Variants in PCDHGB4 observed in about 807,000 individuals in gnomAD.
PCDHGB4 encodes protocadherin gamma subfamily B, 4.
Under a neutral mutation model 60.5 loss-of-function variants are expected in PCDHGB4, and 38 were observed. The ratio of observed to expected loss-of-function variants is 0.63; its 90% CI spans 0.48 to 0.82. The LOEUF (loss-of-function observed/expected upper bound fraction) is 0.82, where lower values mean the gene tolerates loss of function less well. PCDHGB4 is among the 40% of genes least tolerant of loss of function. The probability of loss-of-function intolerance (pLI) is 0.00; values close to 1 mark genes in which losing one functional copy is unlikely to be tolerated. For synonymous variants in PCDHGB4, 456 were observed against 509.7 expected (o/e 0.89, Z 1.42); for missense variants, 1,109 against 1,209.6 (o/e 0.92, Z 1.23).
At chr5:141,433,605 G>C (rs1411907056) in intron 1 of PCDHGB4, among the ~76,000 whole-genome samples, 1 of 152,114 alleles carries the variant, frequency 6.6e-6, no homozygotes. Context: ...GGAGGCCGAG[G>C]CGGGTGGATC....
At chr5:141,401,115 G>A (rs923480761) in intron 1 of PCDHGB4, among the ~76,000 whole-genome samples, 8 of 152,092 alleles carry the variant, frequency 5.3e-5, no homozygotes, top group Admixed American at 3.9e-4. Context: ...AGGCCGAGGC[G>A]GTTGGATCAC....
intron 3 of PCDHGB4, among the ~76,000 whole-genome samples, chr5:141,510,424 C>T (rs2154594619): frequency 6.6e-6 from 1 of 152,236 alleles, no homozygotes; most frequent in South Asian, 2.1e-4. Flanking sequence ...GCCATGGTTT[C>T]ATGGCTGCTG....
At chr5:141,392,901 C>G in intron 1 of PCDHGB4, 1 of 1,613,832 alleles carries the variant, frequency 6.2e-7, no homozygotes, top group Non-Finnish European at 8.5e-7. Context: ...CGGGAGGGGA[C>G]AGATTCGCTA....
In PCDHGB4 at chr5:141,389,988, C is replaced by T. The variant is rs1348283803; in HGVS notation, c.2104C>T (p.Leu702Phe). Reference sequence around the variant, plus strand: ...CTTGGCCTTGATCTCAGTGCTCTTCCTCGTGGCCATGATTCTGGCCATTGC... The same window carrying T: ...CTTGGCCTTGATCTCAGTGCTCTTCTTCGTGGCCATGATTCTGGCCATTGC... ...VALALISVLF[L>F]VAMILAIALR... Residue 702 changes from leucine (L) to phenylalanine (F), a missense_variant, in exon 1 of 4, where the codon CTC becomes TTC. Leu to Phe is a conservative substitution (Grantham distance 22). Coordinates refer to ENST00000519479, the MANE Select transcript of PCDHGB4 (RefSeq NM_003736.4). 7 of 1,613,918 alleles carry T rather than the reference C, an allele frequency of 4.3e-6. No individual in the cohort carries two copies. The highest frequency in any genetic ancestry group is 5.9e-6 in the Non-Finnish European group (7 of 1,179,898).
At position 141,399,586 on chromosome 5, in the gene PCDHGB4, A is replaced by G. The variant is rs751097540; in HGVS notation, c.2397+9305A>G. The G allele has an allele frequency of 6.2e-6, 10 of 1,613,830 alleles. No individual in the cohort carries two copies. The East Asian group carries it at 1.3e-4, about 22-fold the overall frequency. Reference sequence around the variant, plus strand: ...GTTGAACGGCCAAGTCTCCTACTCTATCATGGCCAGCGACCTAGAGCCTCT... The same window carrying G: ...GTTGAACGGCCAAGTCTCCTACTCTGTCATGGCCAGCGACCTAGAGCCTCT... On this transcript the variant is annotated intron_variant, in intron 1 of 3. Coordinates refer to ENST00000519479, the MANE Select transcript of PCDHGB4 (RefSeq NM_003736.4).
At chr5:141,480,715 G>A (rs906358826) in intron 1 of PCDHGB4, among the ~76,000 whole-genome samples, 1 of 152,124 alleles carries the variant, frequency 6.6e-6, no homozygotes, top group African/African-American at 2.4e-5. Flanking sequence ...ACAAATGAAA[G>A]CACAGTCTCT....
At position 141,388,407 on chromosome 5, in the gene PCDHGB4, A is replaced by G. The variant is rs2091351140; in HGVS notation, c.523A>G (p.Ser175Gly). Reference protein sequence around the residue: ...NTLQNYQLSPSDHFSLINKEK... With the variant: ...NTLQNYQLSPGDHFSLINKEK... ...ACTGCAGAATTACCAACTCAGTCCC[A>G]GTGATCATTTCTCACTGATAAATAA... Residue 175 changes from serine (S) to glycine (G), a missense_variant, in exon 1 of 4, where the codon AGT becomes GGT. This residue lies in a region of PCDHGB4 where 1,068 missense variants were observed against 1,089.9 expected (regional missense o/e 0.98). Transcript: ENST00000519479. 6 of 1,613,878 alleles carry G rather than the reference A, an allele frequency of 3.7e-6. No homozygotes were observed. The highest frequency in any genetic ancestry group is 3.3e-4 in the Middle Eastern group (2 of 6,084).
chr5:141,400,190 T>G (rs914854634), intron 1 of PCDHGB4: 1 of 1,613,898 alleles, frequency 6.2e-7, no homozygotes, highest in Non-Finnish European at 8.5e-7. Context: ...CAGTTTTACC[T>G]AGTGGTGGCC....
chr5:141,421,389 G>T (rs200646513), intron 1 of PCDHGB4: 1 of 1,613,934 alleles, frequency 6.2e-7, no homozygotes, highest in African/African-American at 1.3e-5. Context: ...AGGACCTGGG[G>T]CTGGAGCCCC....
intron 1 of PCDHGB4, chr5:141,410,094 C>A: frequency 6.2e-7 from 1 of 1,612,646 alleles, no homozygotes; most frequent in South Asian, 1.1e-5. Context: ...ACGGCTCGAG[C>A]CTTAGGCGAC....
chr5:141,477,779 A>C lies in PCDHGB4; in HGVS notation c.2398-17028A>C. ...CCTAGCCACCAACATCAGCGTGAAC[A>C]TATTTGTCACTGATCGCAATGACAA... is the stretch of plus-strand genomic sequence containing the variant. On this transcript the variant is annotated intron_variant, in intron 1 of 3. Transcript: ENST00000519479. The surrounding 1 kb of genome is among the most constrained non-coding windows in gnomAD (Gnocchi z 4.9). 1.2e-6 allele frequency: 2 copies of C among 1,614,012 alleles called. No individual in the cohort carries two copies. Among genetic ancestry groups the C allele is most frequent in the Non-Finnish European group, 1.7e-6 (2 of 1,180,020 alleles).
At chr5:141,499,689 CT>C (rs545067566) in intron 2 of PCDHGB4, among the ~76,000 whole-genome samples, 4,434 of 119,828 alleles carry the variant, frequency 0.037, 46 homozygotes, top group African/African-American at 0.083. Context: ...TAACAGATGA[CT>C]TTTTTTTTTT....
intron 1 of PCDHGB4, chr5:141,394,551 C>T: frequency 6.2e-7 from 1 of 1,614,138 alleles, no homozygotes; most frequent in Non-Finnish European, 8.5e-7. Context: ...GCTGGCGCCC[C>T]GCTCCGCAGA....
chr5:141,506,459 A>G (rs1159808052), intron 3 of PCDHGB4, among the ~76,000 whole-genome samples: 4 of 151,918 alleles, frequency 2.6e-5, no homozygotes, highest in Non-Finnish European at 4.4e-5. Context: ...AAAAAAAAAA[A>G]AAAAAAGAGC....
chr5:141,400,690 A>G (rs928893484), intron 1 of PCDHGB4: 6 of 790,238 alleles, frequency 7.6e-6, no homozygotes, highest in Non-Finnish European at 8.1e-6. Flanking sequence ...GTGAGTTTTT[A>G]TGTCGCATAA....
rs774342496 is a variant in PCDHGB4, at chr5:141,389,158, G to A, written c.1274G>A (p.Arg425Gln). The A allele has an allele frequency of 5.0e-6, 8 of 1,613,850 alleles. No homozygotes were observed. Among genetic ancestry groups the A allele is most frequent in the African/African-American group, 2.7e-5 (2 of 74,898 alleles). The change falls in exon 1 of 4, where the codon CGG (arginine) becomes CAG (glutamine). Residue 425 changes from arginine to glutamine, a missense_variant. Around this residue, in one of 2 missense-constraint regions of PCDHGB4, gnomAD observed 1,068 missense variants for 1,089.9 expected, o/e 0.98. Transcript: ENST00000519479. ...EYNITVTATD[R>Q]GKPPLSSSSS... ...AATATAACCGTTACGGCAACAGATC[G>A]GGGCAAGCCTCCCCTCTCCTCCAGT...
rs911461762 is a variant in PCDHGB4 at position 141,512,938 on chromosome 5, T to C, written c.*1765T>C. The stretch of plus-strand genomic sequence containing the variant: ...ACTCTAATATTTATATGGCTTTTTT[T>C]CTTCGACAAAAAAATAATAAAACGT... On this transcript the variant is annotated 3_prime_UTR_variant, in exon 4 of 4. Coordinates refer to ENST00000519479, the MANE Select transcript of PCDHGB4 (RefSeq NM_003736.4). 6.6e-6 allele frequency: 1 copy of C among 151,928 alleles called. No homozygotes were observed. Among genetic ancestry groups the C allele is most frequent in the Non-Finnish European group, 1.5e-5 (1 of 67,934 alleles). The allele number at this position is 151,928 out of a possible 1,614,324, so 9.4% of individuals were successfully genotyped here.
intron 1 of PCDHGB4, among the ~76,000 whole-genome samples, chr5:141,429,712 C>T (rs998121271): frequency 1.3e-5 from 2 of 151,994 alleles, no homozygotes; most frequent in African/African-American, 2.4e-5. Flanking sequence ...TAAATATTTA[C>T]GCTCATGAAA....
chr5:141,456,698 C>T (rs1466672057), intron 1 of PCDHGB4, among the ~76,000 whole-genome samples: 1 of 152,132 alleles, frequency 6.6e-6, no homozygotes, highest in Non-Finnish European at 1.5e-5. Flanking sequence ...GGCGTGGTGG[C>T]TCGCGCCTGT....
Sources: gnomAD v4.1 joint callset for allele counts (sites outside exome capture counted in the v4.1 genomes callset) on GRCh38, gnomAD v4.1.1 for gene constraint, gnomAD v4.1.1 regional missense constraint, Gnocchi (gnomAD v3.1) non-coding constraint, MANE v1.5 for transcripts, NCBI Gene and HGNC (gene_info 2026-07-23, HGNC 2026-07-21) for gene names.